The following NLE1 variants were observed in gnomAD, a reference collection of about 807,000 sequenced individuals.
NLE1 encodes the protein notchless homolog 1.
Under a neutral mutation model 62.8 loss-of-function variants are expected in NLE1, and 37 were observed. The ratio of observed to expected loss-of-function variants is 0.59; its 90% CI spans 0.45 to 0.78. The LOEUF (loss-of-function observed/expected upper bound fraction) is 0.78, where lower values mean the gene tolerates loss of function less well. NLE1 is among the 30% of genes least tolerant of loss of function. The probability of loss-of-function intolerance (pLI) is 0.00; values close to 1 mark genes in which losing one functional copy is unlikely to be tolerated. For synonymous variants in NLE1, 243 were observed against 253.0 expected (o/e 0.96, Z 0.37); for missense variants, 555 against 637.9 (o/e 0.87, Z 1.40).
At chr17:35,135,086 C>A in intron 10 of NLE1, 163 bp downstream of exon 10, 1 of 719,132 alleles carries the variant, frequency 1.4e-6, no homozygotes, top group South Asian at 1.5e-5. Context: ...AAACAAACAC[C>A]TTGTAACAAA....
rs2091913576 is a variant in NLE1, at chr17:35,137,082, G to A, written c.747C>T (p.Val249=). The A allele has an allele frequency of 1.2e-6, 2 of 1,613,898 alleles. No homozygotes were observed. Among genetic ancestry groups the A allele is most frequent in the Non-Finnish European group, 1.7e-6 (2 of 1,179,982 alleles). Residue 249 remains valine (V), a synonymous_variant, in exon 7 of 13, where the codon GTC becomes GTT. Transcript: ENST00000442241. ...ERILTGHTQS[V]TCLRWGGDGL... is the part of the protein sequence containing the mutation. ...CGTCCCCTCCCCACCGGAGACAGGT[G>A]ACCGACTGGGTGTGCCCGGTGAGGA...
Position 35,136,509 on chromosome 17 carries a change from C to T in NLE1, c.829-12G>A. 4 of 1,605,288 alleles carry T rather than the reference C, an allele frequency of 2.5e-6. No homozygotes were observed. Among genetic ancestry groups the T allele is most frequent in the Non-Finnish European group, 3.4e-6 (4 of 1,173,628 alleles). On this transcript the variant is annotated splice_polypyrimidine_tract_variant and intron_variant, in intron 7 of 12. Coordinates refer to ENST00000442241, the MANE Select transcript of NLE1 (RefSeq NM_018096.5). ...CGGCACAGCACACCCTACGGGAGAGCGAGTCAGGTCAGACACACACACTCC... is the reference window on the plus strand; with the variant it reads ...CGGCACAGCACACCCTACGGGAGAGTGAGTCAGGTCAGACACACACACTCC...
At chr17:35,136,034 G>A in intron 9 of NLE1, 135 bp downstream of exon 9, 2 of 799,306 alleles carry the variant, frequency 2.5e-6, no homozygotes, top group South Asian at 4.3e-5. Context: ...TTGCAAACTA[G>A]GATTATGAAG....
rs1486890920 is a variant in NLE1, at chr17:35,140,079, G to A, written c.163-13C>T. 6.2e-7 allele frequency: 1 copy of A among 1,611,572 alleles called. No individual in the cohort carries two copies. The highest frequency in any genetic ancestry group is 1.1e-5 in the South Asian group (1 of 90,824). On this transcript the variant is annotated splice_polypyrimidine_tract_variant and intron_variant, in intron 2 of 12. Transcript: ENST00000442241. ...GCAGGGGATCCTCCTGAAGGACAATGGTAAAGGACAAACCCGCAACAATGG... is the reference window on the plus strand; with the variant it reads ...GCAGGGGATCCTCCTGAAGGACAATAGTAAAGGACAAACCCGCAACAATGG...
At position 35,142,128 on chromosome 17, in the gene NLE1, C is replaced by T. The variant is rs1462071247; in HGVS notation, c.19-6G>A. ...TCGCGCGCCACCGCCTCGTCCTGCG[C>T]GAGCAAGTGGGGCGGGAGTCAGTCT... On this transcript the variant is annotated splice_polypyrimidine_tract_variant and splice_region_variant and intron_variant, in intron 1 of 12. Transcript: ENST00000442241. 1.9e-6 allele frequency: 3 copies of T among 1,610,452 alleles called. No homozygotes were observed. The African/African-American group carries it at 4.0e-5, about 21-fold the overall frequency.
rs1018510152 is a variant in NLE1, at chr17:35,130,435, G to A, written c.*2002C>T. On this transcript the variant is annotated 3_prime_UTR_variant, in exon 13 of 13. Transcript: ENST00000442241. ...TCTGGAATACCTATTTCCCTGTTAA[G>A]GGGGAGGGCCCCAGGACACCCCTCA... The A allele has an allele frequency of 1.7e-5, 28 of 1,613,242 alleles. No individual in the cohort carries two copies. Among genetic ancestry groups the A allele is most frequent in the Middle Eastern group, 1.7e-4 (1 of 6,058 alleles).
rs192898770 is a variant in NLE1, at chr17:35,141,326, T to A, written c.162+653A>T. On this transcript the variant is annotated intron_variant, in intron 2 of 12. Transcript: ENST00000442241. ...CACTTTGGAGGCCAAGGCGGGAGGA[T>A]CACGAGGTCAAGAGATCGAGACCAT... Among the ~76,000 whole-genome samples, 109 of 152,208 alleles carry A rather than the reference T, an allele frequency of 7.2e-4. No homozygotes were observed. In the Middle Eastern group the frequency reaches 0.017, roughly 24 times the overall value.
chr17:35,138,593 G>A (rs1469216877), intron 4 of NLE1, among the ~76,000 whole-genome samples: 3 of 152,038 alleles, frequency 2.0e-5, no homozygotes, highest in South Asian at 2.1e-4. Context: ...ACAAGCACAC[G>A]CCACCATGCC....
Position 35,133,878 on chromosome 17 carries a change from AAC to A in NLE1, c.1215-382_1215-381del, listed in dbSNP as rs1218440050. Among the ~76,000 whole-genome samples the A allele has an allele frequency of 3.9e-5, 6 of 152,152 alleles. No individual in the cohort carries two copies. In the South Asian group the frequency reaches 1.2e-3, roughly 32 times the overall value. On this transcript the variant is annotated intron_variant, in intron 10 of 12. Coordinates refer to ENST00000442241, the MANE Select transcript of NLE1 (RefSeq NM_018096.5). ...AGTGGGCCCACTGAACTTTCACGTC[AAC>A]ACAGTCTAGCTGTTTCTCTTTGGAC...
intron 2 of NLE1, among the ~76,000 whole-genome samples, chr17:35,140,746 A>G (rs549037979): frequency 1.3e-5 from 2 of 152,084 alleles, no homozygotes; most frequent in Non-Finnish European, 2.9e-5. Flanking sequence ...GCCTGCCACC[A>G]CGCCTGGCTA....
Position 35,129,543 on chromosome 17 carries a change from A to G in NLE1, c.*2894T>C, listed in dbSNP as rs1246587615. The stretch of plus-strand genomic sequence containing the variant: ...GCAAAGAATCGTCCATGGATCTTCA[A>G]CAAGATTTTGGGCACTACTGTCAAG... On this transcript the variant is annotated 3_prime_UTR_variant, in exon 13 of 13. Coordinates refer to ENST00000442241, the MANE Select transcript of NLE1 (RefSeq NM_018096.5). 1 of 1,614,068 alleles carries G rather than the reference A, an allele frequency of 6.2e-7. No homozygotes were observed. The highest frequency in any genetic ancestry group is 8.5e-7 in the Non-Finnish European group (1 of 1,180,038).
Position 35,130,132 on chromosome 17 carries a change from T to C in NLE1, c.*2305A>G. ...GGTACAGGCTTGAGTCATGCATCTT[T>C]GCACCTGTTTCCTGCGTCAATGGCT... On this transcript the variant is annotated 3_prime_UTR_variant, in exon 13 of 13. Transcript: ENST00000442241. 6.9e-7 allele frequency: 1 copy of C among 1,445,606 alleles called. No homozygotes were observed. Among genetic ancestry groups the C allele is most frequent in the Non-Finnish European group, 9.1e-7 (1 of 1,104,302 alleles). 89.5% of individuals were successfully genotyped at this position (1,445,606 alleles called of 1,614,324 possible).
In NLE1 at chr17:35,129,605, A is replaced by C. The variant is rs1305487235; in HGVS notation, c.*2832T>G. 6.2e-7 allele frequency: 1 copy of C among 1,614,170 alleles called. No homozygotes were observed. Among genetic ancestry groups the C allele is most frequent in the Non-Finnish European group, 8.5e-7 (1 of 1,180,026 alleles). On this transcript the variant is annotated 3_prime_UTR_variant, in exon 13 of 13. Transcript: ENST00000442241. ...AAAGCCTAACACGTGTTACTGCCTCAGTGTCCGTGCAGCCAACACAGCTGG... is the reference window on the plus strand; with the variant it reads ...AAAGCCTAACACGTGTTACTGCCTCCGTGTCCGTGCAGCCAACACAGCTGG...
chr17:35,130,582 G>C lies in NLE1; in HGVS notation c.*1855C>G, dbSNP rs9652889. ...ATGGGCACCCCACCCCTGGGCTGGG[G>C]CCAAGGCTACATAGGGGCCCCATTC... On this transcript the variant is annotated 3_prime_UTR_variant, in exon 13 of 13. Coordinates refer to ENST00000442241, the MANE Select transcript of NLE1 (RefSeq NM_018096.5). The C allele has an allele frequency of 3.8e-4, 322 of 847,864 alleles. 5 individuals are homozygous for C. In the African/African-American group the frequency reaches 5.1e-3, roughly 13 times the overall value. The allele number at this position is 847,864 out of a possible 1,614,324, so 52.5% of individuals were successfully genotyped here.
At chr17:35,134,140 T>C (rs895616587) in intron 10 of NLE1, among the ~76,000 whole-genome samples, 1 of 152,126 alleles carries the variant, frequency 6.6e-6, no homozygotes, top group Non-Finnish European at 1.5e-5. Context: ...GTTCCCATAC[T>C]TGAGTGGGTA....
Position 35,130,363 on chromosome 17 carries a change from C to A in NLE1, c.*2074G>T, listed in dbSNP as rs1216897614. ...CACCGTGCGGCGCAAGGAACCCCGG[C>A]AAAAGATCGTGTCCATCGGGCCGGA... On this transcript the variant is annotated 3_prime_UTR_variant, in exon 13 of 13. Coordinates refer to ENST00000442241, the MANE Select transcript of NLE1 (RefSeq NM_018096.5). 6.2e-7 allele frequency: 1 copy of A among 1,614,148 alleles called. No individual in the cohort carries two copies.
chr17:35,141,468 C>T (rs148472919), intron 2 of NLE1, among the ~76,000 whole-genome samples: 207 of 149,098 alleles, frequency 1.4e-3, no homozygotes, highest in African/African-American at 5.1e-3. Flanking sequence ...ATCGCTTGAA[C>T]CTGGGAGGCA....
rs564796012 is a variant in NLE1 at position 35,140,094 on chromosome 17, C to A, written c.163-28G>T. ...GAAGGACAATGGTAAAGGACAAACC[C>A]GCAACAATGGATGTGCAGGGGCACC... On this transcript the variant is annotated intron_variant, in intron 2 of 12. Coordinates refer to ENST00000442241, the MANE Select transcript of NLE1 (RefSeq NM_018096.5). 25 of 1,606,340 alleles carry A rather than the reference C, an allele frequency of 1.6e-5. No homozygotes were observed. In the East Asian group the frequency reaches 4.5e-4, roughly 29 times the overall value.
At chr17:35,138,036 G>C (rs1300809787) in intron 4 of NLE1, 146 bp from the exon 5 acceptor site, 4 of 622,160 alleles carry the variant, frequency 6.4e-6, no homozygotes, top group Non-Finnish European at 1.1e-5. Flanking sequence ...TTCTGGGGAT[G>C]GATAGAATGC....
Sources: allele counts gnomAD v4.1 joint callset (sites outside exome capture counted in the v4.1 genomes callset), GRCh38; gene constraint gnomAD v4.1.1; transcripts MANE v1.5; gene names NCBI Gene and HGNC (gene_info 2026-07-23, HGNC 2026-07-21).